Variants in ITGA2 observed in about 807,000 individuals in gnomAD.
ITGA2 encodes the protein integrin alpha-2.
In ITGA2, 101 loss-of-function variants were observed where a neutral mutation model predicts 146.3. That is an observed-to-expected ratio of 0.69 (90% CI 0.59 to 0.81). The LOEUF (loss-of-function observed/expected upper bound fraction) is 0.81, where lower values mean the gene tolerates loss of function less well. Among genes scored for constraint, ITGA2 ranks in the 40% least tolerant of loss-of-function variants. The probability of loss-of-function intolerance (pLI) is 0.00; values close to 1 mark genes in which losing one functional copy is unlikely to be tolerated. For synonymous variants in ITGA2, 477 were observed against 487.1 expected, an observed-to-expected ratio of 0.98 and a Z score of 0.27; for missense variants, 1,281 against 1,402.7, an observed-to-expected ratio of 0.91 and a Z score of 1.39.
At chr5:53,012,092 G>T (rs1045989099) in intron 1 of ITGA2, among the ~76,000 whole-genome samples, 1 of 152,132 alleles carries the variant, frequency 6.6e-6, no homozygotes, top group Admixed American at 6.6e-5. Context: ...AGCACAGCCT[G>T]GCTTTCATTC....
At chr5:53,008,319 G>A (rs1025093753) in intron 1 of ITGA2, among the ~76,000 whole-genome samples, 1 of 148,238 alleles carries the variant, frequency 6.7e-6, no homozygotes, top group African/African-American at 2.5e-5. Flanking sequence ...TCTTCTTGTA[G>A]GGACATCAGT....
chr5:53,072,631 T>C lies in ITGA2; in HGVS notation c.2365T>C (p.Cys789Arg). 1 of 1,610,882 alleles carries C rather than the reference T, an allele frequency of 6.2e-7. No homozygotes were observed. The highest frequency in any genetic ancestry group is 8.5e-7 in the Non-Finnish European group (1 of 1,178,460). ...TTCGTAGATTCCTTTCCACAAAGAC[T>C]GTGGTGAGGACGGACTTTGCATTTC... ...KVFSIPFHKD[C>R]GEDGLCISDL... The change falls in exon 19 of 30, where the codon TGT becomes CGT. Residue 789 changes from cysteine (C) to arginine (R), a missense_variant. Around this residue, in one of 3 missense-constraint regions of ITGA2, gnomAD observed 475 missense variants for 530.5 expected, o/e 0.90. Coordinates refer to ENST00000296585, the MANE Select transcript of ITGA2 (RefSeq NM_002203.4).
At chr5:53,055,767 T>C in intron 8 of ITGA2, 79 bp downstream of exon 8, 1 of 1,519,712 alleles carries the variant, frequency 6.6e-7, no homozygotes. Flanking sequence ...AAGGCTGCAC[T>C]TTCCCATTGG....
At chr5:53,038,161 G>A (rs908806639) in intron 2 of ITGA2, among the ~76,000 whole-genome samples, 3 of 149,592 alleles carry the variant, frequency 2.0e-5, no homozygotes, top group Non-Finnish European at 4.4e-5. Context: ...AGTCTTCTCA[G>A]GAAGAAAATA....
chr5:53,074,981 T>C (rs367658929), intron 21 of ITGA2, 80 bp from the exon 22 acceptor site: 1 of 951,692 alleles, frequency 1.1e-6, no homozygotes, highest in East Asian at 2.4e-5. Flanking sequence ...GAGTTTACTT[T>C]TATGAGAAAC....
chr5:53,053,263 A>G (rs760254028), intron 7 of ITGA2, among the ~76,000 whole-genome samples: 15 of 152,152 alleles, frequency 9.9e-5, no homozygotes, highest in African/African-American at 2.2e-4. Context: ...CAAATGTCTC[A>G]AAAGCAGATT....
rs773985586 is a variant in ITGA2 at position 53,073,191 on chromosome 5, A to G, written c.2503A>G (p.Ser835Gly). 101 of 1,612,474 alleles carry G rather than the reference A, an allele frequency of 6.3e-5. No homozygotes were observed. The highest frequency in any genetic ancestry group is 8.5e-5 in the Non-Finnish European group (100 of 1,178,930). Residue 835 changes from serine (S) to glycine (G), a missense_variant, in exon 20 of 30, where the codon AGT becomes GGT. By Grantham distance (56) the Ser-to-Gly change is moderately conservative. Transcript: ENST00000296585. Reference protein sequence around the residue: ...FSVTLKNKRESAYNTGIVVDF... With the variant: ...FSVTLKNKREGAYNTGIVVDF... ...AGTAACGCTGAAAAATAAAAGGGAA[A>G]GTGCATACAACACTGGAATTGTTGT...
At chr5:53,042,873 C>T (rs889794609) in intron 3 of ITGA2, among the ~76,000 whole-genome samples, 4 of 152,024 alleles carry the variant, frequency 2.6e-5, no homozygotes, top group Non-Finnish European at 5.9e-5. Context: ...TGAGGAATCA[C>T]GGAGTTCCTC....
intron 3 of ITGA2, among the ~76,000 whole-genome samples, chr5:53,043,529 G>A (rs1743909139): frequency 6.6e-6 from 1 of 152,078 alleles, no homozygotes; most frequent in Admixed American, 6.6e-5. Flanking sequence ...CAGTGTTATG[G>A]GGAGAAAATA....
At chr5:53,035,074 AAAG>A (rs1743420289) in intron 2 of ITGA2, among the ~76,000 whole-genome samples, 1 of 152,224 alleles carries the variant, frequency 6.6e-6, no homozygotes. Flanking sequence ...TATGAGCTAT[AAAG>A]CAGTTTACAA....
chr5:53,075,090 TC>T lies in ITGA2; in HGVS notation c.2695del (p.Leu899PhefsTer15). ...VTFTINFDFN[L>X]QNLQNQASLS... ...CTTTTACTATTAACTTTGACTTCAA[TC>T]TTCAAAACCTTCAGAATCAGGCGTC... is the stretch of plus-strand genomic sequence containing the variant. On this transcript the variant is annotated frameshift_variant, in exon 22 of 30. Coordinates refer to ENST00000296585, the MANE Select transcript of ITGA2 (RefSeq NM_002203.4). LOFTEE classifies it high-confidence loss of function. The T allele has an allele frequency of 6.2e-7, 1 of 1,611,860 alleles. No homozygotes were observed. Among genetic ancestry groups the T allele is most frequent in the Non-Finnish European group, 8.5e-7 (1 of 1,178,788 alleles).
chr5:53,028,041 G>A (rs749151006), intron 2 of ITGA2, among the ~76,000 whole-genome samples: 5 of 151,914 alleles, frequency 3.3e-5, no homozygotes, highest in Non-Finnish European at 5.9e-5. Flanking sequence ...TGTTGGCACC[G>A]CTGCACTCCA....
intron 1 of ITGA2, among the ~76,000 whole-genome samples, chr5:53,014,219 T>C (rs1350748088): frequency 6.6e-6 from 1 of 152,174 alleles, no homozygotes; most frequent in Non-Finnish European, 1.5e-5. Context: ...CCATTCAGTA[T>C]GATGTTGGCT....
At position 53,094,620 on chromosome 5, in the gene ITGA2, AAAATT is replaced by A. The variant is rs1353587152; in HGVS notation, c.*4027_*4031del. 3 of 151,588 alleles carry A rather than the reference AAAATT, an allele frequency of 2.0e-5. No individual in the cohort carries two copies. Among genetic ancestry groups the A allele is most frequent in the South Asian group, 4.2e-4 (2 of 4,796 alleles). The allele number at this position is 151,588 out of a possible 1,614,324, so 9.4% of individuals were successfully genotyped here. A position where few individuals can be genotyped will look rare whatever the true frequency, so the allele number is the denominator to read the frequency against. ...GAATTCATTTGATTTATGAGAAACA[AAAATT>A]AAATTGTAGTCAACAGTTAGTAGTT... On this transcript the variant is annotated 3_prime_UTR_variant, in exon 30 of 30. Coordinates refer to ENST00000296585, the MANE Select transcript of ITGA2 (RefSeq NM_002203.4).
chr5:53,002,685 T>C (rs908325735), intron 1 of ITGA2, among the ~76,000 whole-genome samples: 6 of 152,346 alleles, frequency 3.9e-5, no homozygotes, highest in Middle Eastern at 3.4e-3. Context: ...AAGAAGTTTT[T>C]TCTTTTCGTT....
At chr5:53,071,592 C>T (rs1354601549) in intron 17 of ITGA2, among the ~76,000 whole-genome samples, 1 of 151,778 alleles carries the variant, frequency 6.6e-6, no homozygotes, top group African/African-American at 2.4e-5. Context: ...TACCAAGATA[C>T]CGCTTCTGAG....
At chr5:53,073,052 T>G in intron 19 of ITGA2, 66 bp from the exon 20 acceptor site, 2 of 1,539,874 alleles carry the variant, frequency 1.3e-6, no homozygotes, top group Non-Finnish European at 1.8e-6. Flanking sequence ...ATGAGTGAAA[T>G]TTTAAAATAC....
intron 9 of ITGA2, among the ~76,000 whole-genome samples, chr5:53,057,499 C>G (rs1313269469): frequency 6.6e-6 from 1 of 151,880 alleles, no homozygotes; most frequent in African/African-American, 2.4e-5. Flanking sequence ...GGTAAAATTC[C>G]TACTCAGTCT....
At chr5:53,067,612 G>C (rs1341907294) in intron 16 of ITGA2, among the ~76,000 whole-genome samples, 2 of 151,832 alleles carry the variant, frequency 1.3e-5, no homozygotes, top group African/African-American at 4.8e-5. Context: ...TATCATGTTG[G>C]CTATGCCATG....
Sources: gnomAD v4.1 joint callset for allele counts (sites outside exome capture counted in the v4.1 genomes callset) on GRCh38, gnomAD v4.1.1 for gene constraint, gnomAD v4.1.1 regional missense constraint, MANE v1.5 for transcripts, NCBI Gene and HGNC (gene_info 2026-07-23, HGNC 2026-07-21) for gene names.